The following CREB5 variants were observed in gnomAD, a reference collection of about 807,000 sequenced individuals.
The protein encoded by CREB5 is cAMP responsive element binding protein 5.
In CREB5, 19 loss-of-function variants were observed where a neutral mutation model predicts 57.1. The ratio of observed to expected loss-of-function variants is 0.33; its 90% CI spans 0.23 to 0.49. The LOEUF (loss-of-function observed/expected upper bound fraction) is 0.49. Among genes scored for constraint, CREB5 ranks in the 20% least tolerant of loss-of-function variants. The probability of loss-of-function intolerance (pLI) is 0.99; values close to 1 mark genes in which losing one functional copy is unlikely to be tolerated. For synonymous variants in CREB5, 238 were observed against 238.3 expected, an observed-to-expected ratio of 1.00 and a Z score of 0.01; for missense variants, 579 against 671.6, an observed-to-expected ratio of 0.86 and a Z score of 1.52.
intron 5 of CREB5, among the ~76,000 whole-genome samples, chr7:28,602,511 TG>T (rs1364855606): frequency 6.6e-6 from 1 of 152,238 alleles, no homozygotes; most frequent in Non-Finnish European, 1.5e-5. Flanking sequence ...ATTCATGTCA[TG>T]GAATATTATT....
chr7:28,637,317 A>C (rs1798462558), intron 5 of CREB5, among the ~76,000 whole-genome samples: 1 of 152,122 alleles, frequency 6.6e-6, no homozygotes, highest in South Asian at 2.1e-4. Flanking sequence ...CACTCAAGAG[A>C]TAGCTTTGAG....
intron 5 of CREB5, among the ~76,000 whole-genome samples, chr7:28,585,119 C>T (rs143502945): frequency 2.3e-4 from 35 of 152,294 alleles, no homozygotes; most frequent in African/African-American, 7.9e-4. Flanking sequence ...TCTTTAGCCT[C>T]GAATGTTCTG....
Position 28,348,389 on chromosome 7 carries a change from CTCTCTCTG to C in CREB5, c.-25+48956_-25+48963del, listed in dbSNP as rs1436886401. On this transcript the variant is annotated intron_variant, in intron 1 of 9. Transcript: ENST00000396299. ...CTGCTTTCTCTCTCTCTCTGTCTCTCTCTCTCTGTCTCTCTCTCTCACACACACACACA... is the reference window on the plus strand; with the variant it reads ...CTGCTTTCTCTCTCTCTCTGTCTCTCTCTCTCTCTCTCACACACACACACA... Among the ~76,000 whole-genome samples the C allele has an allele frequency of 3.4e-3, 392 of 114,876 alleles. 2 individuals are homozygous for C. Among genetic ancestry groups the C allele is most frequent in the African/African-American group, 0.012 (375 of 31,534 alleles). The allele number at this position is 114,876 out of a possible 152,430, so 75.4% of individuals were successfully genotyped here.
At chr7:28,559,175 ACT>A (rs940715694) in intron 4 of CREB5, among the ~76,000 whole-genome samples, 3 of 152,070 alleles carry the variant, frequency 2.0e-5, no homozygotes, top group African/African-American at 7.2e-5. Flanking sequence ...TTTCCCAGTC[ACT>A]TGGAAGGGCC....
At chr7:28,496,666 G>A (rs930338263) in intron 3 of CREB5, among the ~76,000 whole-genome samples, 4 of 152,242 alleles carry the variant, frequency 2.6e-5, no homozygotes, top group African/African-American at 4.8e-5. Flanking sequence ...TCCCGGTGTC[G>A]GAGCCACCCA....
intron 1 of CREB5, among the ~76,000 whole-genome samples, chr7:28,447,244 C>T (rs1437029657): frequency 6.6e-6 from 1 of 152,190 alleles, no homozygotes; most frequent in East Asian, 1.9e-4. Context: ...ACAGTAAATG[C>T]TCAACAAATG....
chr7:28,598,531 A>G (rs79252800), intron 5 of CREB5, among the ~76,000 whole-genome samples: 6,657 of 152,246 alleles, frequency 0.044, 516 homozygotes, highest in African/African-American at 0.15. Flanking sequence ...ACTTGCTTGA[A>G]GAATTATAGC....
At chr7:28,470,591 C>G (rs1239829212) in intron 1 of CREB5, among the ~76,000 whole-genome samples, 3 of 152,140 alleles carry the variant, frequency 2.0e-5, no homozygotes, top group South Asian at 4.1e-4. Flanking sequence ...GGTACATACC[C>G]AGCAGTAGGA....
chr7:28,347,575 T>G (rs1044718041), intron 1 of CREB5, among the ~76,000 whole-genome samples: 2 of 152,236 alleles, frequency 1.3e-5, no homozygotes, highest in African/African-American at 4.8e-5. Flanking sequence ...TTTCTAATTC[T>G]TAGAGTGTCA....
intron 1 of CREB5, among the ~76,000 whole-genome samples, chr7:28,421,474 C>T (rs973295181): frequency 6.6e-6 from 1 of 152,050 alleles, no homozygotes; most frequent in South Asian, 2.1e-4. Flanking sequence ...GATGCATCCA[C>T]TTTACTGTCA....
chr7:28,786,334 C>A (rs1031389791), intron 7 of CREB5, among the ~76,000 whole-genome samples: 2 of 152,134 alleles, frequency 1.3e-5, no homozygotes, highest in African/African-American at 4.8e-5. Context: ...GCAACCTCCG[C>A]CCCCTAGGTT....
At chr7:28,488,112 G>T in intron 1 of CREB5, 63 bp from the exon 2 acceptor site, 1 of 1,490,358 alleles carries the variant, frequency 6.7e-7, no homozygotes, top group East Asian at 2.3e-5. Flanking sequence ...ACGTTGCTCA[G>T]GTAGAAGCAG....
intron 3 of CREB5, among the ~76,000 whole-genome samples, chr7:28,501,970 T>C (rs758952590): frequency 6.6e-6 from 1 of 152,174 alleles, no homozygotes; most frequent in Non-Finnish European, 1.5e-5. Context: ...TGGATCCCAG[T>C]ATATGAGTCA....
intron 1 of CREB5, among the ~76,000 whole-genome samples, chr7:28,341,388 T>C (rs1462761136): frequency 6.6e-6 from 1 of 152,238 alleles, no homozygotes; most frequent in Admixed American, 6.5e-5. Flanking sequence ...ATTATACCAG[T>C]CATTCACACC....
At chr7:28,332,869 T>C (rs1261638918) in intron 1 of CREB5, among the ~76,000 whole-genome samples, 5 of 152,318 alleles carry the variant, frequency 3.3e-5, no homozygotes, top group African/African-American at 7.2e-5. Flanking sequence ...CAATCTCCTA[T>C]TGATGGATGC....
At chr7:28,555,150 G>A (rs1265023727) in intron 4 of CREB5, among the ~76,000 whole-genome samples, 1 of 107,118 alleles carries the variant, frequency 9.3e-6, no homozygotes, top group Non-Finnish European at 2.0e-5. Context: ...CCTGCATATG[G>A]GTTTACCTAA....
intron 5 of CREB5, among the ~76,000 whole-genome samples, chr7:28,613,856 C>A (rs1396596815): frequency 6.6e-6 from 1 of 152,156 alleles, no homozygotes; most frequent in African/African-American, 2.4e-5. Context: ...TCAGGGGCAA[C>A]CTGCAGTCCA....
At chr7:28,574,463 G>A (rs142403031) in intron 5 of CREB5, among the ~76,000 whole-genome samples, 18 of 152,274 alleles carry the variant, frequency 1.2e-4, no homozygotes, top group Admixed American at 7.2e-4. Context: ...TCAATAATCC[G>A]TTGAGTAGAT....
At chr7:28,459,605 C>A (rs12666636) in intron 1 of CREB5, among the ~76,000 whole-genome samples, 31,221 of 151,992 alleles carry the variant, frequency 0.21, 3,596 homozygotes, top group South Asian at 0.33. Context: ...TGCTTCAGCC[C>A]GAGGCAGATG....
Sources: allele counts gnomAD v4.1 joint callset (sites outside exome capture counted in the v4.1 genomes callset), GRCh38; gene constraint gnomAD v4.1.1; transcripts MANE v1.5; gene names NCBI Gene and HGNC (gene_info 2026-07-23, HGNC 2026-07-21).